DNAI7: variants seen among roughly 807,000 people sequenced by gnomAD.
DNAI7 encodes cancer susceptibility 1.
In DNAI7, 78 loss-of-function variants were observed where a neutral mutation model predicts 86.6. The observed-to-expected ratio is 0.90, with a 90% CI of 0.75 to 1.09. The LOEUF is 1.09. DNAI7 is among the 50% of genes least tolerant of loss of function. The pLI is 0.00. For missense variants in DNAI7, 753 were observed against 810.2 expected, an observed-to-expected ratio of 0.93 and a Z score of 0.86; for synonymous variants, 274 against 273.0, an observed-to-expected ratio of 1.00 and a Z score of -0.04.
chr12:25,186,650 C>T (rs376328235), intron 2 of DNAI7, among the ~76,000 whole-genome samples: 2 of 152,066 alleles, frequency 1.3e-5, no homozygotes, highest in African/African-American at 2.4e-5. Context: ...ATCAATGTTT[C>T]GAATTGTCTA....
intron 2 of DNAI7, among the ~76,000 whole-genome samples, chr12:25,179,754 A>C (rs562350140): frequency 6.6e-5 from 10 of 151,818 alleles, no homozygotes; most frequent in African/African-American, 1.5e-4. Flanking sequence ...AAAAAAAAAA[A>C]CCCTCAAAAA....
rs1940791993 is a variant in DNAI7 at position 25,119,230 on chromosome 12, A to G, written c.1311T>C (p.Ala437=). The G allele has an allele frequency of 6.2e-7, 1 of 1,612,564 alleles. No homozygotes were observed. The highest frequency in any genetic ancestry group is 1.7e-5 in the Admixed American group (1 of 59,954). Residue 437 remains alanine, a synonymous_variant, in exon 12 of 16, where the codon GCT becomes GCC. Coordinates refer to ENST00000395987, the MANE Select transcript of DNAI7 (RefSeq NM_018272.5). ...CAAGTGTGACCTCTATAGGTGGGAA[A>G]GCATTTTCTGTCTCAAACTCTTCTG... ...ETTEEFETEN[A]FPPIEVTLEV...
chr12:25,174,489 C>CATATATATGTGATATATATATCAT (rs1246293021), intron 2 of DNAI7, among the ~76,000 whole-genome samples: 1 of 14,102 alleles, frequency 7.1e-5, no homozygotes, highest in Non-Finnish European at 1.5e-4. Context: ...ATATATATAT[C>CATATATATGTGATATATATATCAT]ATATATCCCA....
chr12:25,147,618 T>C (rs909564823), intron 7 of DNAI7, among the ~76,000 whole-genome samples: 2 of 152,166 alleles, frequency 1.3e-5, no homozygotes, highest in Non-Finnish European at 2.9e-5. Context: ...GATTGCACCA[T>C]GCACTCTAGC....
chr12:25,123,210 C>T lies in DNAI7; in HGVS notation c.1078+1G>A. Reference sequence around the variant, plus strand: ...AATTCTTAAAATGTAATTTAGAATACCTGCTGAAACAGTTTCACTTAATAC... The same window carrying T: ...AATTCTTAAAATGTAATTTAGAATATCTGCTGAAACAGTTTCACTTAATAC... On this transcript the variant is annotated splice_donor_variant, in intron 10 of 15. Transcript: ENST00000395987. LOFTEE classifies it high-confidence loss of function. The T allele has an allele frequency of 3.8e-6, 6 of 1,566,574 alleles. No homozygotes were observed. The highest frequency in any genetic ancestry group is 5.2e-6 in the Non-Finnish European group (6 of 1,145,840).
intron 7 of DNAI7, 119 bp from the exon 8 acceptor site, chr12:25,147,223 CTT>C: frequency 1.8e-6 from 1 of 563,158 alleles, no homozygotes; most frequent in Non-Finnish European, 3.1e-6. Context: ...AAGAGAGTAA[CTT>C]GGGTAAAAAT....
At chr12:25,183,038 C>T (rs566251969) in intron 2 of DNAI7, among the ~76,000 whole-genome samples, 8 of 152,008 alleles carry the variant, frequency 5.3e-5, no homozygotes, top group African/African-American at 1.9e-4. Flanking sequence ...GGTACATATA[C>T]ATCATAGCAT....
At chr12:25,169,588 C>T (rs180794517) in intron 2 of DNAI7, among the ~76,000 whole-genome samples, 1 of 152,348 alleles carries the variant, frequency 6.6e-6, no homozygotes, top group East Asian at 1.9e-4. Context: ...TAGCTCATTC[C>T]TGTAATCCCA....
At chr12:25,155,634 G>A (rs887142629) in intron 4 of DNAI7, among the ~76,000 whole-genome samples, 3 of 152,328 alleles carry the variant, frequency 2.0e-5, no homozygotes, top group East Asian at 3.9e-4. Context: ...CCTGGGATCT[G>A]TGAGGTCAAA....
In DNAI7 at chr12:25,154,405, C is replaced by A. The variant is rs1945914224; in HGVS notation, c.352G>T (p.Glu118Ter). 2.5e-6 allele frequency: 4 copies of A among 1,611,342 alleles called. No individual in the cohort carries two copies. In the East Asian group the frequency reaches 8.9e-5, roughly 36 times the overall value. ...CACAAACTAATAAACGTGTTCATTT[C>A]TTGGGCTACTGAAGGATCAGGACTC... ...DGSPDPSVAQ[E>*]MNTFISLWKE... Residue 118 changes from glutamate to a stop codon, truncating the protein, a stop_gained, in exon 6 of 16, where the codon GAA (glutamate) becomes TAA (stop). Coordinates refer to ENST00000395987, the MANE Select transcript of DNAI7 (RefSeq NM_018272.5). LOFTEE classifies it high-confidence loss of function.
intron 12 of DNAI7, among the ~76,000 whole-genome samples, chr12:25,115,624 G>C (rs1293828428): frequency 6.6e-6 from 1 of 152,088 alleles, no homozygotes; most frequent in Non-Finnish European, 1.5e-5. Flanking sequence ...AACTACAATG[G>C]AATACTACTT....
rs964968565 is a variant in DNAI7 at position 25,190,701 on chromosome 12, G to A, written c.4-70C>T. On this transcript the variant is annotated intron_variant, in intron 1 of 15. Transcript: ENST00000395987. ...TCTGATACAAAAGTATCATGATTAT[G>A]TAAGATGTTAAAATTAGAAGAAGCT... 4 of 864,138 alleles carry A rather than the reference G, an allele frequency of 4.6e-6. No homozygotes were observed. The South Asian group carries it at 6.2e-5, about 13-fold the overall frequency. The allele number at this position is 864,138 out of a possible 1,614,324, so 53.5% of individuals were successfully genotyped here.
chr12:25,146,938 A>T, intron 8 of DNAI7, 63 bp downstream of exon 8: 1 of 854,390 alleles, frequency 1.2e-6, no homozygotes, highest in South Asian at 1.4e-5. Context: ...TCTATCTGGC[A>T]ATCATGATGT....
chr12:25,152,455 G>C (rs1945666084), intron 6 of DNAI7, among the ~76,000 whole-genome samples: 1 of 152,244 alleles, frequency 6.6e-6, no homozygotes, highest in Admixed American at 6.5e-5. Context: ...ACACATTGAG[G>C]TGCTGGAAGG....
At chr12:25,172,725 A>G (rs1420612127) in intron 2 of DNAI7, among the ~76,000 whole-genome samples, 1 of 152,162 alleles carries the variant, frequency 6.6e-6, no homozygotes, top group African/African-American at 2.4e-5. Flanking sequence ...ATAGTCACCA[A>G]AACAGTGTGG....
At chr12:25,133,078 C>T (rs368964141) in intron 9 of DNAI7, among the ~76,000 whole-genome samples, 2 of 151,536 alleles carry the variant, frequency 1.3e-5, no homozygotes, top group African/African-American at 4.8e-5. Flanking sequence ...AATAAGTTTC[C>T]TATATTCTGT....
At chr12:25,151,559 C>A (rs1406435105) in intron 6 of DNAI7, among the ~76,000 whole-genome samples, 1 of 152,234 alleles carries the variant, frequency 6.6e-6, no homozygotes, top group Non-Finnish European at 1.5e-5. Context: ...TCCCTTGCAG[C>A]TCATCACTGG....
chr12:25,192,470 T>A (rs763134659), intron 1 of DNAI7, among the ~76,000 whole-genome samples: 1 of 152,200 alleles, frequency 6.6e-6, no homozygotes, highest in Non-Finnish European at 1.5e-5. Flanking sequence ...AACGTGTGTA[T>A]GCTCACTTCT....
intron 15 of DNAI7, 151 bp downstream of exon 15, chr12:25,109,976 C>T: frequency 1.8e-6 from 1 of 570,886 alleles, no homozygotes; most frequent in Non-Finnish European, 3.1e-6. Flanking sequence ...CCGTGCTTGG[C>T]CCAAAATTTG....
Sources: allele counts gnomAD v4.1 joint callset (sites outside exome capture counted in the v4.1 genomes callset), GRCh38; gene constraint gnomAD v4.1.1; transcripts MANE v1.5; gene names NCBI Gene and HGNC (gene_info 2026-07-23, HGNC 2026-07-21).